Variants in DSCAML1 observed in about 807,000 individuals in gnomAD.
DSCAML1 encodes cell adhesion molecule DSCAML1.
DSCAML1 carries 38 observed loss-of-function variants against 200.5 expected under a neutral mutation model. The observed-to-expected ratio is 0.19, with a 90% CI of 0.15 to 0.25. The LOEUF (loss-of-function observed/expected upper bound fraction) is 0.25, where lower values mean the gene tolerates loss of function less well. DSCAML1 is among the 10% of genes least tolerant of loss of function. The pLI, the probability that DSCAML1 is intolerant of heterozygous loss-of-function variation, is 1.00. For missense variants in DSCAML1, 2,223 were observed against 2,858.8 expected, an observed-to-expected ratio of 0.78 and a Z score of 5.07; for synonymous variants, 1,215 against 1,165.0, an observed-to-expected ratio of 1.04 and a Z score of -0.87.
At chr11:117,502,821 C>T (rs528093942) in intron 11 of DSCAML1, among the ~76,000 whole-genome samples, 8 of 152,252 alleles carry the variant, frequency 5.3e-5, no homozygotes, top group East Asian at 3.9e-4. Flanking sequence ...TGAAATGTAA[C>T]GGGTAAGGCC....
intron 3 of DSCAML1, among the ~76,000 whole-genome samples, chr11:117,690,260 T>C (rs1257070009): frequency 1.3e-5 from 2 of 152,270 alleles, no homozygotes; most frequent in Non-Finnish European, 2.9e-5. Context: ...CTGTGATCCC[T>C]GCCCTCATGG....
chr11:117,720,196 C>G (rs948772), intron 3 of DSCAML1, among the ~76,000 whole-genome samples: 129,064 of 152,142 alleles, frequency 0.85, 56,095 homozygotes, highest in Non-Finnish European at 0.94. Flanking sequence ...CATAATGACA[C>G]CCAGGCAGCC....
chr11:117,555,366 C>T (rs1268048777), intron 3 of DSCAML1, among the ~76,000 whole-genome samples: 1 of 152,170 alleles, frequency 6.6e-6, no homozygotes, highest in Non-Finnish European at 1.5e-5. Flanking sequence ...CTTCTGACCT[C>T]CAGGGGCTCA....
intron 19 of DSCAML1, among the ~76,000 whole-genome samples, chr11:117,454,641 A>G (rs1395593793): frequency 6.6e-6 from 1 of 152,098 alleles, no homozygotes; most frequent in East Asian, 1.9e-4. Context: ...GCTTTTGTTC[A>G]TGTTGTCCCA....
intron 1 of DSCAML1, among the ~76,000 whole-genome samples, chr11:117,810,240 C>T (rs115022462): frequency 2.0e-5 from 3 of 150,874 alleles, no homozygotes; most frequent in African/African-American, 5.0e-5. Flanking sequence ...CTCCGTGGAC[C>T]CAAAACTCCG....
At chr11:117,641,330 C>T (rs1591353611) in intron 3 of DSCAML1, among the ~76,000 whole-genome samples, 1 of 152,234 alleles carries the variant, frequency 6.6e-6, no homozygotes, top group East Asian at 1.9e-4. Context: ...CCAGTCTTAG[C>T]TCTTTATCTT....
At chr11:117,510,751 CACTG>C (rs2049602180) in intron 8 of DSCAML1, among the ~76,000 whole-genome samples, 1 of 152,146 alleles carries the variant, frequency 6.6e-6, no homozygotes, top group South Asian at 2.1e-4. Context: ...CAGTAGATGT[CACTG>C]AATGAATGAC....
intron 1 of DSCAML1, among the ~76,000 whole-genome samples, chr11:117,796,436 T>C (rs1298781752): frequency 6.6e-6 from 1 of 152,144 alleles, no homozygotes; most frequent in African/African-American, 2.4e-5. Flanking sequence ...CCTCTGGGTT[T>C]GGAGAACAAA....
At chr11:117,604,570 C>G (rs1044228586) in intron 3 of DSCAML1, among the ~76,000 whole-genome samples, 24 of 152,230 alleles carry the variant, frequency 1.6e-4, no homozygotes, top group Admixed American at 1.6e-3. Flanking sequence ...AGCTGTGTGG[C>G]AAGGCGGCCA....
intron 17 of DSCAML1, among the ~76,000 whole-genome samples, chr11:117,462,483 C>T (rs2048500003): frequency 6.6e-6 from 1 of 152,230 alleles, no homozygotes; most frequent in Admixed American, 6.5e-5. Flanking sequence ...AAGACGGAGT[C>T]TGCTTCGCTC....
At chr11:117,709,973 C>A (rs1047565311) in intron 3 of DSCAML1, among the ~76,000 whole-genome samples, 1 of 152,200 alleles carries the variant, frequency 6.6e-6, no homozygotes, top group African/African-American at 2.4e-5. Flanking sequence ...AATCCCTGGA[C>A]TTTGCCTGGC....
At chr11:117,596,387 GAAA>G (rs576749301) in intron 3 of DSCAML1, among the ~76,000 whole-genome samples, 1 of 138,582 alleles carries the variant, frequency 7.2e-6, no homozygotes, top group African/African-American at 2.6e-5. Flanking sequence ...TTCTTCTCAG[GAAA>G]AAAAAAAAAA....
intron 3 of DSCAML1, among the ~76,000 whole-genome samples, chr11:117,591,859 C>A (rs780970527): frequency 1.3e-5 from 2 of 152,138 alleles, no homozygotes; most frequent in African/African-American, 2.4e-5. Flanking sequence ...GCATCCCGGC[C>A]CCTCACCAGG....
chr11:117,685,643 G>A (rs1023585650), intron 3 of DSCAML1, among the ~76,000 whole-genome samples: 2 of 152,192 alleles, frequency 1.3e-5, no homozygotes, highest in Non-Finnish European at 2.9e-5. Context: ...GAGCTGTTGT[G>A]AGCTCTGAGC....
At chr11:117,570,701 C>T (rs1400193149) in intron 3 of DSCAML1, among the ~76,000 whole-genome samples, 1 of 152,250 alleles carries the variant, frequency 6.6e-6, no homozygotes, top group Non-Finnish European at 1.5e-5. Flanking sequence ...TTGACTACCA[C>T]ACTTTGTGCA....
chr11:117,577,881 G>C (rs543791353), intron 3 of DSCAML1, among the ~76,000 whole-genome samples: 2 of 150,740 alleles, frequency 1.3e-5, no homozygotes, highest in Non-Finnish European at 3.0e-5. Context: ...GCAAGATTTT[G>C]TTATCCTACC....
intron 3 of DSCAML1, among the ~76,000 whole-genome samples, chr11:117,738,500 C>T (rs563311722): frequency 9.3e-4 from 142 of 152,212 alleles, no homozygotes; most frequent in Non-Finnish European, 1.6e-3. Flanking sequence ...CATGTGTCTG[C>T]GCACACAGGT....
chr11:117,738,153 C>T (rs923731320), intron 3 of DSCAML1, among the ~76,000 whole-genome samples: 1 of 152,122 alleles, frequency 6.6e-6, no homozygotes, highest in Non-Finnish European at 1.5e-5. Context: ...ACATATTCTG[C>T]ATTGTTCTAG....
At chr11:117,698,189 G>C (rs2053615953) in intron 3 of DSCAML1, among the ~76,000 whole-genome samples, 2 of 152,194 alleles carry the variant, frequency 1.3e-5, no homozygotes, top group South Asian at 4.1e-4. Context: ...TATTGTGAAG[G>C]CTGCTGCTGT....
Sources: gnomAD v4.1 joint callset for allele counts (sites outside exome capture counted in the v4.1 genomes callset) on GRCh38, gnomAD v4.1.1 for gene constraint, MANE v1.5 for transcripts, NCBI Gene and HGNC (gene_info 2026-07-23, HGNC 2026-07-21) for gene names.